The following N4BP1 variants were observed in gnomAD, a reference collection of about 807,000 sequenced individuals.
The protein encoded by N4BP1 is NEDD4-binding protein 1.
In N4BP1, 21 loss-of-function variants were observed where a neutral mutation model predicts 70.9. That is an observed-to-expected ratio of 0.30 (90% CI 0.21 to 0.43). The LOEUF is 0.43. Among genes scored for constraint, N4BP1 ranks in the 20% least tolerant of loss-of-function variants. The probability of loss-of-function intolerance (pLI) is 1.00; values close to 1 mark genes in which losing one functional copy is unlikely to be tolerated. For missense variants in N4BP1, 936 were observed against 1,069.4 expected (o/e 0.88, Z 1.74); for synonymous variants, 387 against 394.6 (o/e 0.98, Z 0.23).
intron 1 of N4BP1, among the ~76,000 whole-genome samples, chr16:48,565,855 G>A (rs1440818775): frequency 6.6e-6 from 1 of 152,168 alleles, no homozygotes; most frequent in Non-Finnish European, 1.5e-5. Context: ...GTGAGTCATG[G>A]CAGTTTGTGC....
chr16:48,559,597 A>T (rs995740314), intron 2 of N4BP1: 1 of 152,246 alleles, frequency 6.6e-6, no homozygotes, highest in Non-Finnish European at 1.5e-5. Context: ...TCAGCCAATC[A>T]CAGCAGCCAA....
chr16:48,558,470 T>C (rs1963791000), intron 2 of N4BP1, among the ~76,000 whole-genome samples: 1 of 152,152 alleles, frequency 6.6e-6, no homozygotes, highest in African/African-American at 2.4e-5. Flanking sequence ...TGGGAGGGAC[T>C]AGATTTGCAA....
At chr16:48,557,224 A>G (rs1288774925) in intron 2 of N4BP1, among the ~76,000 whole-genome samples, 1 of 152,198 alleles carries the variant, frequency 6.6e-6, no homozygotes, top group Non-Finnish European at 1.5e-5. Context: ...CCTATTGCTT[A>G]AGGACCAAAT....
intron 1 of N4BP1, chr16:48,600,683 T>C (rs1428644405): frequency 4.5e-6 from 2 of 447,400 alleles, no homozygotes; most frequent in Admixed American, 5.6e-5. Context: ...TTTATGTACA[T>C]TTGAAAATGC....
chr16:48,594,751 T>A (rs995092264), intron 1 of N4BP1, among the ~76,000 whole-genome samples: 2 of 152,238 alleles, frequency 1.3e-5, no homozygotes, highest in South Asian at 2.1e-4. Context: ...TATTAGTATG[T>A]GTTACAAAAT....
chr16:48,553,505 T>G (rs1415301605), intron 3 of N4BP1, 34 bp downstream of exon 3: 8 of 1,518,658 alleles, frequency 5.3e-6, no homozygotes, highest in Non-Finnish European at 7.1e-6. Context: ...ATTAAACATT[T>G]CACTAGAAAT....
In N4BP1 at chr16:48,560,805, C is replaced by A; in HGVS notation, c.1838G>T (p.Gly613Val). 1 of 1,613,560 alleles carries A rather than the reference C, an allele frequency of 6.2e-7. No individual in the cohort carries two copies. The highest frequency in any genetic ancestry group is 1.1e-5 in the South Asian group (1 of 90,996). ...PYKLELKNEPGRTDLKHIVID... is the reference protein window; with the variant it reads ...PYKLELKNEPVRTDLKHIVID... ...AACAATGTGTTTCAAATCCGTTCTC[C>A]CTGGTTCATTTTTTAATTCCAGCTT... is the stretch of plus-strand genomic sequence containing the variant. Residue 613 changes from glycine (G) to valine (V), a missense_variant, in exon 2 of 7, where the codon GGG (glycine) becomes GTG (valine). By Grantham distance (109) the Gly-to-Val change is moderately radical. Coordinates refer to ENST00000262384, the MANE Select transcript of N4BP1 (RefSeq NM_153029.4).
Position 48,562,238 on chromosome 16 carries a change from T to A in N4BP1, c.405A>T (p.Gln135His). The A allele has an allele frequency of 6.2e-7, 1 of 1,613,940 alleles. No individual in the cohort carries two copies. The highest frequency in any genetic ancestry group is 1.1e-5 in the South Asian group (1 of 91,072). ...TATTTTCAAAGAGCTTTACAAATTG[T>A]TGAATGTGACTCCTAGCCATGACCA... Reference protein sequence around the residue: ...EAVVMARSHIQQFVKLFENKE... With the variant: ...EAVVMARSHIHQFVKLFENKE... The change falls in exon 2 of 7, where the codon CAA becomes CAT. Residue 135 changes from glutamine to histidine, a missense_variant. By Grantham distance (24) the Gln-to-His change is conservative (BLOSUM62 0). Coordinates refer to ENST00000262384, the MANE Select transcript of N4BP1 (RefSeq NM_153029.4).
chr16:48,584,963 G>A (rs920624533), intron 1 of N4BP1, among the ~76,000 whole-genome samples: 23 of 151,986 alleles, frequency 1.5e-4, no homozygotes, highest in Admixed American at 9.2e-4. Flanking sequence ...ATAGAGTCTC[G>A]CTTTGTCACT....
At chr16:48,578,295 C>T (rs1485495410) in intron 1 of N4BP1, 1 of 152,574 alleles carries the variant, frequency 6.6e-6, no homozygotes, top group Non-Finnish European at 1.5e-5. Context: ...TCCCAGGACC[C>T]CCAGGGGCTC....
chr16:48,596,177 T>C (rs575006924), intron 1 of N4BP1, among the ~76,000 whole-genome samples: 2 of 152,280 alleles, frequency 1.3e-5, no homozygotes, highest in East Asian at 3.9e-4. Flanking sequence ...AGTATGCCTG[T>C]TATTGTTGTT....
intron 1 of N4BP1, among the ~76,000 whole-genome samples, chr16:48,593,293 G>C (rs996736118): frequency 1.3e-5 from 2 of 152,204 alleles, no homozygotes; most frequent in African/African-American, 4.8e-5. Flanking sequence ...AAGTTGCTAA[G>C]AGTTAACAGT....
rs34869645 is a variant in N4BP1, at chr16:48,548,837, CAAAA to C, written c.2118-727_2118-724del. Among the ~76,000 whole-genome samples the C allele has an allele frequency of 7.7e-4, 55 of 71,736 alleles. 1 individual carries two copies. The Admixed American group carries it at 8.0e-3, about 10-fold the overall frequency. The allele number at this position is 71,736 out of a possible 152,430, so 47.1% of individuals were successfully genotyped here. A position where few individuals can be genotyped will look rare whatever the true frequency, so the allele number is the denominator to read the frequency against. ...CCTGGACAACAGAACGAGACTGCTT[CAAAA>C]AAAAAAAAAAAAAAAAATTCATAGG... On this transcript the variant is annotated intron_variant, in intron 4 of 6. Transcript: ENST00000262384.
At chr16:48,565,478 C>A (rs1963928599) in intron 1 of N4BP1, among the ~76,000 whole-genome samples, 1 of 152,208 alleles carries the variant, frequency 6.6e-6, no homozygotes, top group Non-Finnish European at 1.5e-5. Flanking sequence ...ACCAGCCTTG[C>A]ATCCCTGGAA....
At position 48,550,786 on chromosome 16, in the gene N4BP1, T is replaced by C. The variant is rs967646483; in HGVS notation, c.2117+600A>G. On this transcript the variant is annotated intron_variant, in intron 4 of 6. Coordinates refer to ENST00000262384, the MANE Select transcript of N4BP1 (RefSeq NM_153029.4). ...TACAAAAATTAGCCGGGCATGGTGG[T>C]GCTTGCCTGTAATCCCAGCTACTTG... 6.5e-4 allele frequency among the ~76,000 whole-genome samples: 99 copies of C among 152,052 alleles called. 1 individual carries two copies. Among genetic ancestry groups the C allele is most frequent in the Middle Eastern group, 3.4e-3 (1 of 294 alleles).
rs1460565999 is a variant in N4BP1 at position 48,560,917 on chromosome 16, C to T, written c.1726G>A (p.Asp576Asn). 1.2e-6 allele frequency: 2 copies of T among 1,614,014 alleles called. No homozygotes were observed. Among genetic ancestry groups the T allele is most frequent in the Admixed American group, 3.3e-5 (2 of 60,024 alleles). The change falls in exon 2 of 7, where the codon GAT (aspartate) becomes AAT (asparagine). Residue 576 changes from aspartate (D) to asparagine (N), a missense_variant. Asp to Asn is a conservative substitution (Grantham distance 23). Transcript: ENST00000262384. The stretch of plus-strand genomic sequence containing the variant: ...TCAGAAGGTCCTGCCGACCTTGCAT[C>T]AGTAACCGAAGGTAACAGCTGGGGC... ...PLPQLLPSVT[D>N]ARSAGPSDHI... is the part of the protein sequence containing the mutation.
chr16:48,559,616 C>T (rs1234355776), intron 2 of N4BP1: 1 of 152,222 alleles, frequency 6.6e-6, no homozygotes, highest in Non-Finnish European at 1.5e-5. Flanking sequence ...AAGCTTCAGC[C>T]AATCACAGGC....
intron 1 of N4BP1, among the ~76,000 whole-genome samples, chr16:48,587,704 T>A (rs1427233165): frequency 6.6e-6 from 1 of 152,178 alleles, no homozygotes; most frequent in Non-Finnish European, 1.5e-5. Context: ...CCAGGCCATA[T>A]CTGGAATTAC....
chr16:48,563,447 A>C (rs1909765), intron 1 of N4BP1, among the ~76,000 whole-genome samples: 1 of 151,096 alleles, frequency 6.6e-6, no homozygotes, highest in Non-Finnish European at 1.5e-5. Flanking sequence ...TGTTCTAGTC[A>C]CCCAGGCTGG....
Sources: gnomAD v4.1 joint callset for allele counts (sites outside exome capture counted in the v4.1 genomes callset) on GRCh38, gnomAD v4.1.1 for gene constraint, MANE v1.5 for transcripts, NCBI Gene and HGNC (gene_info 2026-07-23, HGNC 2026-07-21) for gene names.